LRP1B: variants seen among roughly 807,000 people sequenced by gnomAD.
LRP1B encodes the protein low-density lipoprotein receptor-related protein 1B.
A neutral mutation model predicts 556.6 loss-of-function variants in LRP1B; 217 were observed. The observed-to-expected ratio is 0.39, with a 90% CI of 0.35 to 0.44. The LOEUF is 0.44. Among genes scored for constraint, LRP1B ranks in the 20% least tolerant of loss-of-function variants. LRP1B has a pLI of 1.00. For missense variants in LRP1B, 5,053 were observed against 5,620.8 expected, an observed-to-expected ratio of 0.90 and a Z score of 3.23; for synonymous variants, 2,047 against 1,865.8, an observed-to-expected ratio of 1.10 and a Z score of -2.50.
At chr2:140,595,938 A>G (rs1161395435) in intron 43 of LRP1B, among the ~76,000 whole-genome samples, 1 of 152,180 alleles carries the variant, frequency 6.6e-6, no homozygotes, top group Non-Finnish European at 1.5e-5. Context: ...TTTACTAATA[A>G]TTACAGAATA....
At chr2:141,789,377 C>T (rs1695533814) in intron 2 of LRP1B, among the ~76,000 whole-genome samples, 1 of 151,862 alleles carries the variant, frequency 6.6e-6, no homozygotes, top group Non-Finnish European at 1.5e-5. Context: ...ATACTATCAA[C>T]CACAACGCCA....
intron 7 of LRP1B, among the ~76,000 whole-genome samples, chr2:141,111,788 C>T (rs1700757902): frequency 6.6e-6 from 1 of 152,002 alleles, no homozygotes; most frequent in Admixed American, 6.6e-5. Flanking sequence ...TGGTGGCTCA[C>T]GCCTGTAATC....
At chr2:141,806,940 T>C (rs1696185463) in intron 2 of LRP1B, among the ~76,000 whole-genome samples, 1 of 152,044 alleles carries the variant, frequency 6.6e-6, no homozygotes, top group Non-Finnish European at 1.5e-5. Context: ...AAAATAACTA[T>C]TGCATCGGCT....
chr2:141,197,816 T>C (rs1230120522), intron 6 of LRP1B, among the ~76,000 whole-genome samples: 1 of 152,130 alleles, frequency 6.6e-6, no homozygotes, highest in East Asian at 1.9e-4. Flanking sequence ...TCATATTTAA[T>C]GGGATACATT....
chr2:141,647,272 T>A (rs2105373578), intron 2 of LRP1B, among the ~76,000 whole-genome samples: 1 of 152,214 alleles, frequency 6.6e-6, no homozygotes, highest in South Asian at 2.1e-4. Flanking sequence ...GTTAGCAGAG[T>A]AAAATGTCCA....
chr2:140,555,353 TA>T (rs951992146), intron 43 of LRP1B, among the ~76,000 whole-genome samples: 1 of 152,222 alleles, frequency 6.6e-6, no homozygotes, highest in African/African-American at 2.4e-5. Flanking sequence ...AAGGCCAATT[TA>T]ATTTGACATT....
chr2:140,518,977 A>G (rs1250730788), intron 49 of LRP1B, among the ~76,000 whole-genome samples: 1 of 152,148 alleles, frequency 6.6e-6, no homozygotes. Flanking sequence ...AAATAAATGG[A>G]AGAACAGTCC....
chr2:140,396,411 A>G (rs995339825), intron 66 of LRP1B, among the ~76,000 whole-genome samples: 2 of 152,176 alleles, frequency 1.3e-5, no homozygotes, highest in African/African-American at 4.8e-5. Context: ...AATTCACTTT[A>G]TATTTTTGGA....
At chr2:141,668,234 C>G (rs914525402) in intron 2 of LRP1B, among the ~76,000 whole-genome samples, 24 of 152,114 alleles carry the variant, frequency 1.6e-4, no homozygotes, top group African/African-American at 5.6e-4. Context: ...CACCCCTCTT[C>G]TAGCTTTTAA....
intron 1 of LRP1B, among the ~76,000 whole-genome samples, chr2:141,920,461 A>G (rs1312335385): frequency 6.6e-6 from 1 of 152,012 alleles, no homozygotes; most frequent in African/African-American, 2.4e-5. Context: ...AAAGAAAATG[A>G]GAAATATTGA....
chr2:140,867,485 G>A lies in LRP1B; in HGVS notation c.4579+105C>T, dbSNP rs560325434. 89 of 1,265,946 alleles carry A rather than the reference G, an allele frequency of 7.0e-5. No homozygotes were observed. The South Asian group carries it at 1.6e-3, about 22-fold the overall frequency. 78.4% of individuals were successfully genotyped at this position (1,265,946 alleles called of 1,614,324 possible). On this transcript the variant is annotated intron_variant, in intron 27 of 90. Coordinates refer to ENST00000389484, the MANE Select transcript of LRP1B (RefSeq NM_018557.3). ...TTCCCTCATAGAGTATGCGTAAAAT[G>A]TCAATAACTTTTAACTTATAGAAGT...
intron 2 of LRP1B, among the ~76,000 whole-genome samples, chr2:141,531,938 G>A (rs1684889719): frequency 6.6e-6 from 1 of 152,086 alleles, no homozygotes; most frequent in Non-Finnish European, 1.5e-5. Context: ...AATTATAAGT[G>A]CTAGCCCCTG....
intron 3 of LRP1B, among the ~76,000 whole-genome samples, chr2:141,467,839 C>CTGG (rs1682297224): frequency 1.7e-5 from 1 of 57,150 alleles, no homozygotes; most frequent in Non-Finnish European, 4.2e-5. Flanking sequence ...GTTTGCGGAC[C>CTGG]GGGGGGGGGG....
chr2:141,563,003 T>C (rs542741001), intron 2 of LRP1B, among the ~76,000 whole-genome samples: 3 of 151,938 alleles, frequency 2.0e-5, no homozygotes, highest in East Asian at 1.9e-4. Context: ...GAAATGGAAA[T>C]TGGGCTTGGA....
chr2:141,076,945 G>A (rs890518520), intron 7 of LRP1B, among the ~76,000 whole-genome samples: 1 of 152,146 alleles, frequency 6.6e-6, no homozygotes, highest in South Asian at 2.1e-4. Flanking sequence ...CATAATCAAA[G>A]AATTTAAAAT....
At chr2:140,237,670 AT>A (rs1021089478) in intron 89 of LRP1B, among the ~76,000 whole-genome samples, 1 of 150,686 alleles carries the variant, frequency 6.6e-6, no homozygotes, top group Non-Finnish European at 1.5e-5. Context: ...TTTCAGCCAT[AT>A]TTCTAGAAGC....
At chr2:141,756,735 G>C (rs1308066554) in intron 2 of LRP1B, among the ~76,000 whole-genome samples, 1 of 152,036 alleles carries the variant, frequency 6.6e-6, no homozygotes, top group Admixed American at 6.6e-5. Context: ...TGCCTACAGT[G>C]TTCAGTACAG....
intron 35 of LRP1B, among the ~76,000 whole-genome samples, chr2:140,767,618 A>G (rs1689161947): frequency 6.6e-6 from 1 of 151,562 alleles, no homozygotes; most frequent in East Asian, 1.9e-4. Flanking sequence ...ATTTAGATCA[A>G]ATTGCTTATA....
chr2:141,153,618 T>C (rs1055637801), intron 7 of LRP1B, among the ~76,000 whole-genome samples: 1 of 139,224 alleles, frequency 7.2e-6, no homozygotes, highest in African/African-American at 2.6e-5. Flanking sequence ...TAATATATTA[T>C]ATATCAGCTA....
Sources: gnomAD v4.1 joint callset for allele counts (sites outside exome capture counted in the v4.1 genomes callset) on GRCh38, gnomAD v4.1.1 for gene constraint, MANE v1.5 for transcripts, NCBI Gene and HGNC (gene_info 2026-07-23, HGNC 2026-07-21) for gene names.